Variants in LRBA observed in about 807,000 individuals in gnomAD.
LRBA encodes the protein lipopolysaccharide-responsive and beige-like anchor protein.
In LRBA, 176 loss-of-function variants were observed where a neutral mutation model predicts 330.0. The observed-to-expected ratio is 0.53, with a 90% CI of 0.47 to 0.60. The LOEUF (loss-of-function observed/expected upper bound fraction) is 0.60. Among genes scored for constraint, LRBA ranks in the 20% least tolerant of loss-of-function variants. The pLI is 0.00. For synonymous variants in LRBA, 1,230 were observed against 1,193.0 expected, an observed-to-expected ratio of 1.03 and a Z score of -0.64; for missense variants, 3,259 against 3,444.8, an observed-to-expected ratio of 0.95 and a Z score of 1.35.
chr4:150,631,924 G>A (rs1293341357), intron 37 of LRBA, among the ~76,000 whole-genome samples: 1 of 152,124 alleles, frequency 6.6e-6, no homozygotes, highest in Non-Finnish European at 1.5e-5. Context: ...GTTGATTTGA[G>A]ATTCCTGTAT....
rs765459490 is a variant in LRBA, at chr4:150,436,776, T to C, written c.6869A>G (p.Tyr2290Cys). 10 of 1,612,446 alleles carry C rather than the reference T, an allele frequency of 6.2e-6. No individual in the cohort carries two copies. Among genetic ancestry groups the C allele is most frequent in the African/African-American group, 1.3e-5 (1 of 74,894 alleles). ...ACTTGCAGTTGAGTAATGAGTACCA[T>C]AGTGAAACTTTGGAACTTGATCATC... ...WEDDQVPKFH[Y>C]GTHYSTASFV... The change falls in exon 45 of 57, where the codon TAT becomes TGT. Residue 2290 changes from tyrosine to cysteine, a missense_variant. Physicochemically the swap from Tyr to Cys is radical, Grantham distance 194. Transcript: ENST00000651943.
chr4:150,845,607 T>C (rs1415478795), intron 26 of LRBA, among the ~76,000 whole-genome samples: 2 of 152,046 alleles, frequency 1.3e-5, no homozygotes, highest in Non-Finnish European at 2.9e-5. Flanking sequence ...AGGAACAAAA[T>C]AGCAAACTTA....
intron 36 of LRBA, among the ~76,000 whole-genome samples, chr4:150,698,082 T>C (rs1027357043): frequency 2.0e-5 from 3 of 152,196 alleles, no homozygotes; most frequent in Admixed American, 2.0e-4. Flanking sequence ...TAAAATACTT[T>C]GTATTATAAA....
chr4:150,927,266 G>A (rs1384050278), intron 4 of LRBA, among the ~76,000 whole-genome samples: 1 of 151,494 alleles, frequency 6.6e-6, no homozygotes, highest in Non-Finnish European at 1.5e-5. Flanking sequence ...CCAGCTACTT[G>A]GGAGGCTGAG....
chr4:150,614,288 G>A (rs1303344221), intron 37 of LRBA, among the ~76,000 whole-genome samples: 1 of 152,134 alleles, frequency 6.6e-6, no homozygotes, highest in Non-Finnish European at 1.5e-5. Flanking sequence ...TATAGCAATG[G>A]GGAGATATTG....
In LRBA at chr4:150,697,336, A is replaced by C. The variant is rs896219356; in HGVS notation, c.5755-13619T>G. On this transcript the variant is annotated intron_variant, in intron 36 of 56. Transcript: ENST00000651943. ...GAGACTTTGTCTCAGAAAAAAAAAA[A>C]AAAAAAAAAAAAAAACAGGGAGAGT... Among the ~76,000 whole-genome samples the C allele has an allele frequency of 1.0e-4, 15 of 146,098 alleles. 1 individual carries two copies. Among genetic ancestry groups the C allele is most frequent in the African/African-American group, 3.6e-4 (14 of 38,370 alleles).
At chr4:150,630,072 G>C (rs894388777) in intron 37 of LRBA, among the ~76,000 whole-genome samples, 2 of 152,132 alleles carry the variant, frequency 1.3e-5, no homozygotes, top group Admixed American at 6.6e-5. Flanking sequence ...AATCACCCAA[G>C]CACAAAGCCT....
At chr4:150,468,779 A>C (rs754381398) in intron 43 of LRBA, among the ~76,000 whole-genome samples, 10 of 151,986 alleles carry the variant, frequency 6.6e-5, no homozygotes, top group Non-Finnish European at 1.3e-4. Context: ...GTAGCTGAAT[A>C]TTAAAGTAGT....
chr4:150,343,665 A>C (rs1272173243), intron 48 of LRBA, among the ~76,000 whole-genome samples: 2 of 151,718 alleles, frequency 1.3e-5, no homozygotes, highest in Non-Finnish European at 2.9e-5. Context: ...CATACATTTC[A>C]CCATACTTCC....
At chr4:150,967,884 C>T (rs956605969) in intron 2 of LRBA, among the ~76,000 whole-genome samples, 2 of 152,082 alleles carry the variant, frequency 1.3e-5, no homozygotes, top group African/African-American at 4.8e-5. Context: ...AGACTATTCC[C>T]CCATCTCTCT....
At chr4:150,768,554 A>T (rs1736097228) in intron 34 of LRBA, among the ~76,000 whole-genome samples, 1 of 152,252 alleles carries the variant, frequency 6.6e-6, no homozygotes, top group Non-Finnish European at 1.5e-5. Context: ...GGACTATGAC[A>T]TTGTGAGTGA....
At chr4:150,836,922 G>A (rs972814147) in intron 28 of LRBA, among the ~76,000 whole-genome samples, 14 of 152,098 alleles carry the variant, frequency 9.2e-5, no homozygotes, top group African/African-American at 3.4e-4. Flanking sequence ...GCTTTCTCTT[G>A]TGGGCATTTA....
Position 150,921,205 on chromosome 4 carries a change from C to G in LRBA, c.638G>C (p.Ser213Thr). ...PDAFFNFPGK[S>T]AAAIALPPIA... Reference sequence around the variant, plus strand: ...TCATTAATATTTACTTACTGCAGCACTCTTTCCTGGAAAGTTAAAAAAGGC... The same window carrying G: ...TCATTAATATTTACTTACTGCAGCAGTCTTTCCTGGAAAGTTAAAAAAGGC... The change falls in exon 5 of 57, where the codon AGT becomes ACT. Residue 213 changes from serine (S) to threonine (T), a missense_variant. By Grantham distance (58) the Ser-to-Thr change is moderately conservative (BLOSUM62 1). Transcript: ENST00000651943. 6.2e-7 allele frequency: 1 copy of G among 1,604,906 alleles called. No individual in the cohort carries two copies.
intron 21 of LRBA, 115 bp downstream of exon 21, chr4:150,868,067 A>G: frequency 8.6e-7 from 1 of 1,167,358 alleles, no homozygotes; most frequent in Non-Finnish European, 1.2e-6. Context: ...ACTCTTAATA[A>G]AAAAAATAGA....
At chr4:150,461,416 G>A (rs1340217578) in intron 44 of LRBA, among the ~76,000 whole-genome samples, 1 of 151,730 alleles carries the variant, frequency 6.6e-6, no homozygotes, top group Non-Finnish European at 1.5e-5. Context: ...TCTTTTTTAT[G>A]TTATGCTACG....
At chr4:150,896,600 T>C in intron 15 of LRBA, 144 bp from the exon 16 acceptor site, 1 of 495,470 alleles carries the variant, frequency 2.0e-6, no homozygotes, top group Non-Finnish European at 3.6e-6. Context: ...AAAACAAAAA[T>C]TTGGGGAAGC....
At position 150,534,745 on chromosome 4, in the gene LRBA, T is replaced by A. The variant is rs182202976; in HGVS notation, c.6331-43710A>T. 4.2e-3 allele frequency among the ~76,000 whole-genome samples: 638 copies of A among 152,282 alleles called. 4 individuals carry two copies. Among genetic ancestry groups the A allele is most frequent in the African/African-American group, 0.014 (589 of 41,568 alleles). On this transcript the variant is annotated intron_variant, in intron 40 of 56. Transcript: ENST00000651943. Reference sequence around the variant, plus strand: ...TTAGCATGTGAAAATTGGAAAGGAATCAATCAATAAGCCTATGTATGCAAC... The same window carrying A: ...TTAGCATGTGAAAATTGGAAAGGAAACAATCAATAAGCCTATGTATGCAAC...
intron 40 of LRBA, among the ~76,000 whole-genome samples, chr4:150,567,175 A>G (rs1234165889): frequency 1.3e-5 from 2 of 152,280 alleles, no homozygotes; most frequent in East Asian, 1.9e-4. Flanking sequence ...TAAAATGATA[A>G]TAACAACTGC....
chr4:150,941,311 C>T (rs1453175117), intron 2 of LRBA, among the ~76,000 whole-genome samples: 1 of 152,050 alleles, frequency 6.6e-6, no homozygotes, highest in Non-Finnish European at 1.5e-5. Context: ...CACCAACACG[C>T]CCAGCTAATT....
Sources: gnomAD v4.1 joint callset for allele counts (sites outside exome capture counted in the v4.1 genomes callset) on GRCh38, gnomAD v4.1.1 for gene constraint, MANE v1.5 for transcripts, NCBI Gene and HGNC (gene_info 2026-07-23, HGNC 2026-07-21) for gene names.